ADAMTS2: variants seen among roughly 807,000 people sequenced by gnomAD.
ADAMTS2 encodes A disintegrin and metalloproteinase with thrombospondin motifs 2.
Under a neutral mutation model 123.0 loss-of-function variants are expected in ADAMTS2, and 50 were observed. That is an observed-to-expected ratio of 0.41 (90% confidence interval 0.32 to 0.51). The LOEUF is 0.51. Ranked by LOEUF, ADAMTS2 falls within the 20% of genes least tolerant of loss-of-function variation. The pLI is 0.35. For missense variants in ADAMTS2, 1,494 were observed against 1,705.2 expected (o/e 0.88, Z 2.18); for synonymous variants, 678 against 695.4 (o/e 0.98, Z 0.39).
At chr5:179,280,347 G>T (rs1223389830) in intron 2 of ADAMTS2, among the ~76,000 whole-genome samples, 3 of 152,186 alleles carry the variant, frequency 2.0e-5, no homozygotes, top group Non-Finnish European at 2.9e-5. Context: ...CTGAGCCAGG[G>T]GCCCTGGTTT....
At chr5:179,275,976 G>C (rs1766683720) in intron 2 of ADAMTS2, among the ~76,000 whole-genome samples, 2 of 151,756 alleles carry the variant, frequency 1.3e-5, no homozygotes, top group African/African-American at 4.8e-5. Flanking sequence ...AGAGGCCTAG[G>C]AGGCAGTGGT....
chr5:179,149,362 C>G (rs1408554703), intron 10 of ADAMTS2, among the ~76,000 whole-genome samples: 1 of 152,220 alleles, frequency 6.6e-6, no homozygotes, highest in Non-Finnish European at 1.5e-5. Flanking sequence ...TTCCCAGCCT[C>G]CAGGACTGCG....
intron 3 of ADAMTS2, among the ~76,000 whole-genome samples, chr5:179,265,791 G>A (rs1054464633): frequency 3.3e-5 from 5 of 152,352 alleles, no homozygotes; most frequent in East Asian, 1.9e-4. Context: ...GCGCCGCGGC[G>A]TCTGCCAAGG....
Position 179,303,270 on chromosome 5 carries a change from T to G in ADAMTS2, c.535-30206A>C, listed in dbSNP as rs1581259341. ...AAGTCCCTCCCTGATTATAAACCGC[T>G]CAACACATAGAGAGGTCCCTAGGAG... On this transcript the variant is annotated intron_variant, in intron 2 of 21. Coordinates refer to ENST00000251582, the MANE Select transcript of ADAMTS2 (RefSeq NM_014244.5). This position sits in a 1 kb window ranked among gnomAD's most constrained non-coding sequence, Gnocchi z 4.7. 6.6e-6 allele frequency among the ~76,000 whole-genome samples: 1 copy of G among 152,096 alleles called. No homozygotes were observed. The highest frequency in any genetic ancestry group is 1.9e-4 in the East Asian group (1 of 5,190).
At chr5:179,214,545 A>C (rs1764931430) in intron 3 of ADAMTS2, among the ~76,000 whole-genome samples, 1 of 152,204 alleles carries the variant, frequency 6.6e-6, no homozygotes, top group African/African-American at 2.4e-5. Context: ...TAATGCAAAG[A>C]TCAAGACTTC....
chr5:179,120,011 G>C (rs993081972), intron 21 of ADAMTS2, among the ~76,000 whole-genome samples: 1 of 152,146 alleles, frequency 6.6e-6, no homozygotes, highest in Non-Finnish European at 1.5e-5. Context: ...CCTTTCAGGG[G>C]GAGGGGCCCT....
chr5:179,227,630 A>T (rs1765318964), intron 3 of ADAMTS2, among the ~76,000 whole-genome samples: 1 of 152,146 alleles, frequency 6.6e-6, no homozygotes, highest in Non-Finnish European at 1.5e-5. Context: ...CTAGGACTGC[A>T]GGGCCCAGAC....
intron 17 of ADAMTS2, among the ~76,000 whole-genome samples, chr5:179,126,689 G>A (rs976880958): frequency 5.3e-5 from 8 of 152,236 alleles, no homozygotes; most frequent in South Asian, 2.1e-4. Flanking sequence ...CCATGGCGGC[G>A]AGTGACAGAG....
At chr5:179,176,509 A>G (rs1763933392) in intron 5 of ADAMTS2, among the ~76,000 whole-genome samples, 1 of 152,086 alleles carries the variant, frequency 6.6e-6, no homozygotes, top group Non-Finnish European at 1.5e-5. Context: ...TGATACCATC[A>G]TCTACCCAGC....
At chr5:179,274,393 C>T (rs568887783) in intron 2 of ADAMTS2, among the ~76,000 whole-genome samples, 5 of 152,376 alleles carry the variant, frequency 3.3e-5, no homozygotes, top group Admixed American at 3.3e-4. Flanking sequence ...TTTCCAGACT[C>T]TCTTGAAAAT....
Position 179,180,634 on chromosome 5 carries a change from A to T in ADAMTS2, c.975+438T>A, listed in dbSNP as rs1764023326. 6.6e-6 allele frequency among the ~76,000 whole-genome samples: 1 copy of T among 152,148 alleles called. No individual in the cohort carries two copies. ...CTATCCCCCTGCCCTCATTACCCAG[A>T]AAACTAACTCAGGACCGCTCCACTC... On this transcript the variant is annotated intron_variant, in intron 5 of 21. Coordinates refer to ENST00000251582, the MANE Select transcript of ADAMTS2 (RefSeq NM_014244.5). This position sits in a 1 kb window ranked among gnomAD's most constrained non-coding sequence, Gnocchi z 4.6.
chr5:179,305,009 C>T (rs1360272188), intron 2 of ADAMTS2, among the ~76,000 whole-genome samples: 6 of 142,016 alleles, frequency 4.2e-5, no homozygotes, highest in African/African-American at 1.0e-4. Flanking sequence ...GATTTCTTAT[C>T]AAAACTGTGA....
At chr5:179,227,878 A>G (rs1765322838) in intron 3 of ADAMTS2, among the ~76,000 whole-genome samples, 1 of 152,098 alleles carries the variant, frequency 6.6e-6, no homozygotes, top group Admixed American at 6.5e-5. Context: ...AGAGGGAGCC[A>G]GGAAGGAGGG....
rs1356213731 is a variant in ADAMTS2, at chr5:179,312,870, C to T, written c.534+30897G>A. Among the ~76,000 whole-genome samples, 1 of 152,262 alleles carries T rather than the reference C, an allele frequency of 6.6e-6. No homozygotes were observed. Among genetic ancestry groups the T allele is most frequent in the Non-Finnish European group, 1.5e-5 (1 of 68,052 alleles). ...CAGCCTCCAGAACCGTGAGAGGATACAATTCTAATGTTTCAAACCAGCAAG... is the reference window on the plus strand; with the variant it reads ...CAGCCTCCAGAACCGTGAGAGGATATAATTCTAATGTTTCAAACCAGCAAG... On this transcript the variant is annotated intron_variant, in intron 2 of 21. Transcript: ENST00000251582. This position sits in a 1 kb window ranked among gnomAD's most constrained non-coding sequence, Gnocchi z 4.2.
chr5:179,153,600 T>C lies in ADAMTS2; in HGVS notation c.1406A>G (p.Asp469Gly), dbSNP rs754840916. 4 of 1,605,638 alleles carry C rather than the reference T, an allele frequency of 2.5e-6. No homozygotes were observed. Among genetic ancestry groups the C allele is most frequent in the Non-Finnish European group, 8.5e-7 (1 of 1,179,654 alleles). Residue 469 changes from aspartate (D) to glycine (G), a missense_variant, in exon 9 of 22, where the codon GAC becomes GGC. Coordinates refer to ENST00000251582, the MANE Select transcript of ADAMTS2 (RefSeq NM_014244.5). ...CGCCGGCCAGTCGTGGGCGAAGGGG[T>C]CATCCAGCAGGCAGTCATAGGAGCT... is the stretch of plus-strand genomic sequence containing the variant. ...YLHSYDCLLD[D>G]PFAHDWPALP...
At chr5:179,123,963 G>T (rs1396908133) in intron 19 of ADAMTS2, among the ~76,000 whole-genome samples, 1 of 152,200 alleles carries the variant, frequency 6.6e-6, no homozygotes, top group Non-Finnish European at 1.5e-5. Context: ...GCTCTGGTGG[G>T]CTCCCCTGCT....
intron 5 of ADAMTS2, among the ~76,000 whole-genome samples, chr5:179,173,665 G>A (rs763612649): frequency 1.3e-5 from 2 of 152,210 alleles, no homozygotes; most frequent in South Asian, 2.1e-4. Flanking sequence ...TTGGAACAGA[G>A]TTGTAGAAAT....
rs1357689466 is a variant in ADAMTS2 at position 179,202,417 on chromosome 5, C to T, written c.891+5096G>A. Among the ~76,000 whole-genome samples, 2 of 152,214 alleles carry T rather than the reference C, an allele frequency of 1.3e-5. No individual in the cohort carries two copies. Among genetic ancestry groups the T allele is most frequent in the South Asian group, 2.1e-4 (1 of 4,834 alleles). On this transcript the variant is annotated intron_variant, in intron 4 of 21. Transcript: ENST00000251582. This position sits in a 1 kb window ranked among gnomAD's most constrained non-coding sequence, Gnocchi z 4.0. ...TGAGCTGTAGAAAGTGGCCTGCCTT[C>T]CCCTACCCTTCTTCCTTCTCCATCT... is the stretch of plus-strand genomic sequence containing the variant.
At chr5:179,271,123 A>G (rs993254626) in intron 3 of ADAMTS2, among the ~76,000 whole-genome samples, 1 of 152,192 alleles carries the variant, frequency 6.6e-6, no homozygotes, top group Admixed American at 6.5e-5. Context: ...TCTGAATTTC[A>G]AGTTCTCATT....
Sources: allele counts gnomAD v4.1 joint callset (sites outside exome capture counted in the v4.1 genomes callset), GRCh38; gene constraint gnomAD v4.1.1; non-coding constraint Gnocchi (gnomAD v3.1); transcripts MANE v1.5; gene names NCBI Gene and HGNC (gene_info 2026-07-23, HGNC 2026-07-21).